Variants in DACH2 observed in about 807,000 individuals in gnomAD.
The protein encoded by DACH2 is dachshund family transcription factor 2, also known as dachshund homolog 2.
Under a neutral mutation model 35.8 loss-of-function variants are expected in DACH2, and 17 were observed. The observed-to-expected ratio is 0.48, with a 90% CI of 0.33 to 0.71. The LOEUF (loss-of-function observed/expected upper bound fraction) is 0.71. Among genes scored for constraint, DACH2 ranks in the 30% least tolerant of loss-of-function variants. The pLI, the probability that DACH2 is intolerant of heterozygous loss-of-function variation, is 0.02. For missense variants in DACH2, 469 were observed against 472.7 expected (o/e 0.99, Z 0.07); for synonymous variants, 195 against 177.3 (o/e 1.10, Z -0.79).
intron 2 of DACH2, among the ~76,000 whole-genome samples, chrX:86,476,536 C>CT (rs770545613): frequency 1.5e-4 from 17 of 110,689 alleles, no homozygotes; most frequent in African/African-American, 4.3e-4. Context: ...GATCTTGTCT[C>CT]TTTTTTTTGT....
At chrX:86,482,892 A>C (rs1458882666) in intron 2 of DACH2, among the ~76,000 whole-genome samples, 2 of 107,141 alleles carry the variant, frequency 1.9e-5, no homozygotes, top group African/African-American at 3.4e-5. Context: ...TCGCAAGAAC[A>C]AAAAACCAAA....
At chrX:86,690,127 C>T (rs2040992543) in intron 4 of DACH2, among the ~76,000 whole-genome samples, 1 of 112,019 alleles carries the variant, frequency 8.9e-6, no homozygotes, top group Non-Finnish European at 1.9e-5. Flanking sequence ...GCTTCCTTCA[C>T]TCATTCTTAA....
chrX:86,375,535 A>G (rs1385037808), intron 1 of DACH2, among the ~76,000 whole-genome samples: 3 of 106,520 alleles, frequency 2.8e-5, no homozygotes, highest in Non-Finnish European at 5.8e-5. Context: ...ATAGCCCATT[A>G]AAATAAGGAA....
At chrX:86,495,802 GA>G (rs1170746943) in intron 2 of DACH2, among the ~76,000 whole-genome samples, 41 of 90,938 alleles carry the variant, frequency 4.5e-4, no homozygotes, top group Admixed American at 6.1e-4. Flanking sequence ...TCTAGCTTAG[GA>G]AAAAAAAAAA....
At chrX:86,811,485 A>T (rs1160186383) in intron 7 of DACH2, among the ~76,000 whole-genome samples, 1 of 111,797 alleles carries the variant, frequency 8.9e-6, no homozygotes, top group Non-Finnish European at 1.9e-5. Flanking sequence ...ATTTAAGCCA[A>T]GTCTTTTTTC....
intron 3 of DACH2, among the ~76,000 whole-genome samples, chrX:86,543,991 TAAA>T (rs982035294): frequency 6.3e-5 from 7 of 110,266 alleles, no homozygotes; most frequent in African/African-American, 2.3e-4. Flanking sequence ...ATAATAATAA[TAAA>T]AAAAGAATAC....
At chrX:86,826,497 A>T (rs186926689) in intron 11 of DACH2, among the ~76,000 whole-genome samples, 1 of 110,454 alleles carries the variant, frequency 9.1e-6, no homozygotes, top group Non-Finnish European at 1.9e-5. Flanking sequence ...TTCTGAAAAA[A>T]AAATGATTCC....
chrX:86,777,308 G>T (rs1025946812), intron 7 of DACH2, among the ~76,000 whole-genome samples: 2 of 110,820 alleles, frequency 1.8e-5, no homozygotes, highest in Admixed American at 1.9e-4. Context: ...ATCTCATGGT[G>T]GTTTTGATTT....
chrX:86,214,140 C>A (rs1312009272), intron 1 of DACH2, among the ~76,000 whole-genome samples: 1 of 111,064 alleles, frequency 9.0e-6, no homozygotes, highest in Non-Finnish European at 1.9e-5. Context: ...GCTTTGATAG[C>A]CTTCTAAGTG....
intron 7 of DACH2, among the ~76,000 whole-genome samples, chrX:86,792,011 A>T (rs2042191392): frequency 9.0e-6 from 1 of 111,534 alleles, no homozygotes; most frequent in Non-Finnish European, 1.9e-5. Context: ...GAAAATTTAC[A>T]CTGCATAGGA....
At chrX:86,591,555 T>A (rs1221453379) in intron 3 of DACH2, among the ~76,000 whole-genome samples, 1 of 108,217 alleles carries the variant, frequency 9.2e-6, no homozygotes, top group Non-Finnish European at 1.9e-5. Context: ...TTTTTTTTTT[T>A]GAGAAGGAGT....
intron 3 of DACH2, among the ~76,000 whole-genome samples, chrX:86,626,610 C>T (rs1478750929): frequency 8.8e-6 from 1 of 113,193 alleles, no homozygotes; most frequent in Non-Finnish European, 1.9e-5. Flanking sequence ...TCTGTCTAGA[C>T]ATCCAGGAGC....
At chrX:86,502,459 T>C (rs2038265148) in intron 2 of DACH2, among the ~76,000 whole-genome samples, 1 of 112,171 alleles carries the variant, frequency 8.9e-6, no homozygotes, top group Non-Finnish European at 1.9e-5. Flanking sequence ...GAAATATTAT[T>C]TATTCTACAA....
intron 3 of DACH2, among the ~76,000 whole-genome samples, chrX:86,608,326 A>G (rs761096294): frequency 8.9e-6 from 1 of 111,889 alleles, no homozygotes; most frequent in Non-Finnish European, 1.9e-5. Flanking sequence ...GTGGGACTGT[A>G]AACTAGTTCA....
At chrX:86,569,084 A>G (rs1162620154) in intron 3 of DACH2, among the ~76,000 whole-genome samples, 1 of 111,532 alleles carries the variant, frequency 9.0e-6, no homozygotes, top group East Asian at 2.9e-4. Context: ...CAGTCTTTAC[A>G]TGCATTTTTA....
intron 1 of DACH2, among the ~76,000 whole-genome samples, chrX:86,258,189 A>G (rs1280437892): frequency 8.9e-6 from 1 of 111,978 alleles, no homozygotes; most frequent in East Asian, 2.8e-4. Flanking sequence ...CCTCACCATC[A>G]TACAATTCTT....
chrX:86,228,195 A>G (rs2032868247), intron 1 of DACH2, among the ~76,000 whole-genome samples: 2 of 109,982 alleles, frequency 1.8e-5, no homozygotes, highest in African/African-American at 3.3e-5. Context: ...TAGCTCCCAT[A>G]TATCAGTGAG....
At chrX:86,404,303 G>T (rs773336495) in intron 2 of DACH2, among the ~76,000 whole-genome samples, 1 of 111,222 alleles carries the variant, frequency 9.0e-6, no homozygotes, top group East Asian at 2.8e-4. Context: ...ACAAGGCAAG[G>T]CCCCTCCACC....
intron 4 of DACH2, among the ~76,000 whole-genome samples, chrX:86,663,597 C>G (rs1190685333): frequency 1.8e-5 from 2 of 111,714 alleles, no homozygotes; most frequent in Non-Finnish European, 3.8e-5. Context: ...ATCCCAGACA[C>G]AAACTCTGCC....
Sources: gnomAD v4.1 joint callset for allele counts (sites outside exome capture counted in the v4.1 genomes callset) on GRCh38, gnomAD v4.1.1 for gene constraint, MANE v1.5 for transcripts, NCBI Gene and HGNC (gene_info 2026-07-23, HGNC 2026-07-21) for gene names.